The following SEM1 variants were observed in gnomAD, a reference collection of about 807,000 sequenced individuals.
SEM1 encodes 26S proteasome complex subunit SEM1.
In SEM1, 3 loss-of-function variants were observed where a neutral mutation model predicts 12.7. That is an observed-to-expected ratio of 0.24 (90% CI 0.11 to 0.61). SEM1 has a LOEUF of 0.61. Among genes scored for constraint, SEM1 ranks in the 20% least tolerant of loss-of-function variants. SEM1 has a pLI of 0.88. For missense variants in SEM1, 59 were observed against 81.3 expected, an observed-to-expected ratio of 0.73 and a Z score of 1.06; for synonymous variants, 30 against 27.8, an observed-to-expected ratio of 1.08 and a Z score of -0.25.
chr7:96,628,749 C>T (rs1303752639), intron 2 of SEM1, among the ~76,000 whole-genome samples: 3 of 151,970 alleles, frequency 2.0e-5, no homozygotes, highest in African/African-American at 4.8e-5. Flanking sequence ...TTGTAGCTTC[C>T]GATGATTTTA....
At chr7:96,482,792 T>C (rs753600647) in exon 4 of SEM1, 4 of 152,128 alleles carry the variant, frequency 2.6e-5, no homozygotes, top group Non-Finnish European at 5.9e-5. Context: ...GATCCAGAAA[T>C]ATAGCCGAGG....
chr7:96,651,815 C>T (rs574641239), intron 2 of SEM1, among the ~76,000 whole-genome samples: 7 of 152,222 alleles, frequency 4.6e-5, no homozygotes, highest in Admixed American at 1.3e-4. Context: ...TCAAGTGATC[C>T]GCCTGCCTTG....
rs1225806162 is a variant in SEM1, at chr7:96,580,732, A to ATTTT, written c.171-74038_171-74035dup. The stretch of plus-strand genomic sequence containing the variant: ...TCTCTGATGGCCAGTGATGGTGAGC[A>ATTTT]TTTTTTCATGTGTTTTTTGGCTGCA... On this transcript the variant is annotated intron_variant and NMD_transcript_variant, in intron 2 of 3. Coordinates refer to the SEM1 transcript ENST00000466986. 4.7e-4 allele frequency among the ~76,000 whole-genome samples: 72 copies of ATTTT among 151,660 alleles called. 1 individual carries two copies. Among genetic ancestry groups the ATTTT allele is most frequent in the Non-Finnish European group, 9.9e-4 (67 of 67,866 alleles).
intron 1 of SEM1, among the ~76,000 whole-genome samples, chr7:96,704,385 G>T (rs778799402): frequency 2.0e-5 from 3 of 151,624 alleles, no homozygotes; most frequent in Non-Finnish European, 4.4e-5. Context: ...TACCATAAGC[G>T]GTTACTTATA....
Position 96,581,652 on chromosome 7 carries a change from A to C in SEM1, c.171-74954T>G, listed in dbSNP as rs550157885. Reference sequence around the variant, plus strand: ...TCTATCCTCTTTTATTTCCTTGAGCAGTGGTTTGTAGTTCTCCTTGAAGAG... The same window carrying C: ...TCTATCCTCTTTTATTTCCTTGAGCCGTGGTTTGTAGTTCTCCTTGAAGAG... On this transcript the variant is annotated intron_variant and NMD_transcript_variant, in intron 2 of 3. Transcript: ENST00000466986. Among the ~76,000 whole-genome samples, 5 of 152,170 alleles carry C rather than the reference A, an allele frequency of 3.3e-5. No homozygotes were observed. The South Asian group carries it at 1.0e-3, about 32-fold the overall frequency.
At chr7:96,695,157 A>AT (rs1031651818) in intron 1 of SEM1, 1 of 268,762 alleles carries the variant, frequency 3.7e-6, no homozygotes, top group African/African-American at 2.2e-5. Flanking sequence ...TACTTTACTG[A>AT]TTTTTCTTTG....
Position 96,639,244 on chromosome 7 carries a change from G to GTT in SEM1, c.171-16603_171-16602dup, listed in dbSNP as rs1270881874. 3.4e-3 allele frequency among the ~76,000 whole-genome samples: 522 copies of GTT among 152,008 alleles called. 3 individuals carry two copies. The highest frequency in any genetic ancestry group is 0.012 in the African/African-American group (503 of 41,520). The stretch of plus-strand genomic sequence containing the variant: ...TTTTAAAAATGAAGTTAAAAGGGAA[G>GTT]TTTCATTTTATTCCCTATGCTTTCG... On this transcript the variant is annotated intron_variant, in intron 2 of 2. Coordinates refer to the SEM1 transcript ENST00000417009.
At chr7:96,550,803 C>T (rs1009691321) in intron 2 of SEM1, among the ~76,000 whole-genome samples, 9 of 151,856 alleles carry the variant, frequency 5.9e-5, no homozygotes, top group Non-Finnish European at 8.8e-5. Flanking sequence ...GTGTGACACA[C>T]GGGAAAGTAG....
chr7:96,550,395 T>C (rs1235746693), intron 2 of SEM1, among the ~76,000 whole-genome samples: 1 of 152,216 alleles, frequency 6.6e-6, no homozygotes, highest in Non-Finnish European at 1.5e-5. Flanking sequence ...TGAAGTGCAT[T>C]AATATTTTCT....
chr7:96,641,370 T>C (rs1417771101), intron 2 of SEM1, among the ~76,000 whole-genome samples: 6 of 151,988 alleles, frequency 3.9e-5, no homozygotes, highest in African/African-American at 9.7e-5. Flanking sequence ...TATTTGTGTA[T>C]GCTTTTCTTA....
intron 2 of SEM1, among the ~76,000 whole-genome samples, chr7:96,557,889 C>T (rs139330025): frequency 0.021 from 3,146 of 152,280 alleles, 98 homozygotes; most frequent in African/African-American, 0.071. Flanking sequence ...GATATAATCT[C>T]GTGGTGAGCC....
chr7:96,662,436 G>A lies in SEM1; in HGVS notation c.170+32362C>T, dbSNP rs544852921. On this transcript the variant is annotated intron_variant, in intron 2 of 2. Coordinates refer to the SEM1 transcript ENST00000417009. Reference sequence around the variant, plus strand: ...ACACAGGAACAGAAAACCAAACACCGCATGCTCTCACTCATAAGTGGGAGT... The same window carrying A: ...ACACAGGAACAGAAAACCAAACACCACATGCTCTCACTCATAAGTGGGAGT... Among the ~76,000 whole-genome samples the A allele has an allele frequency of 6.6e-5, 10 of 152,186 alleles. No homozygotes were observed. In the South Asian group the frequency reaches 8.3e-4, roughly 13 times the overall value.
At chr7:96,554,970 C>T (rs1584759452) in intron 2 of SEM1, among the ~76,000 whole-genome samples, 1 of 125,830 alleles carries the variant, frequency 7.9e-6, no homozygotes, top group Admixed American at 8.2e-5. Flanking sequence ...TCTAGATTTT[C>T]TGGTTTATTT....
At chr7:96,610,501 G>C (rs1807508489) in intron 2 of SEM1, among the ~76,000 whole-genome samples, 1 of 152,336 alleles carries the variant, frequency 6.6e-6, no homozygotes, top group East Asian at 1.9e-4. Flanking sequence ...TAAGAGACAA[G>C]AGAGGTAGGC....
chr7:96,501,115 C>T (rs1803521309), upstream of SEM1, among the ~76,000 whole-genome samples: 1 of 152,136 alleles, frequency 6.6e-6, no homozygotes, highest in Non-Finnish European at 1.5e-5. Flanking sequence ...TGTTAACCCT[C>T]TGCACGTTCT....
At chr7:96,606,167 G>A (rs1165744973) in intron 2 of SEM1, among the ~76,000 whole-genome samples, 1 of 152,106 alleles carries the variant, frequency 6.6e-6, no homozygotes, top group African/African-American at 2.4e-5. Flanking sequence ...CTTCATCATA[G>A]GTATGTATGC....
At chr7:96,701,410 C>T (rs1330942769) in intron 1 of SEM1, among the ~76,000 whole-genome samples, 1 of 152,096 alleles carries the variant, frequency 6.6e-6, no homozygotes, top group Non-Finnish European at 1.5e-5. Flanking sequence ...CACAAGAGAA[C>T]ACAGCACAAA....
chr7:96,494,165 T>A (rs1263897340), intron 1 of SEM1, among the ~76,000 whole-genome samples: 1 of 152,154 alleles, frequency 6.6e-6, no homozygotes, highest in Admixed American at 6.6e-5. Flanking sequence ...GAGTTCAGCT[T>A]AAATAGTTCC....
At chr7:96,522,730 C>CG (rs1281137495) in intron 2 of SEM1, among the ~76,000 whole-genome samples, 3 of 125,096 alleles carry the variant, frequency 2.4e-5, no homozygotes, top group Non-Finnish European at 1.8e-5. Flanking sequence ...ATACCCCCCC[C>CG]CCAAAAAAAA....
Sources: gnomAD v4.1 joint callset for allele counts (sites outside exome capture counted in the v4.1 genomes callset) on GRCh38, gnomAD v4.1.1 for gene constraint, MANE v1.5 for transcripts, NCBI Gene and HGNC (gene_info 2026-07-23, HGNC 2026-07-21) for gene names.